Variants in RBM47 observed in about 807,000 individuals in gnomAD.
RBM47 encodes RNA binding motif protein 47, also known as RNA-binding protein 47.
A neutral mutation model predicts 47.1 loss-of-function variants in RBM47; 21 were observed. The ratio of observed to expected loss-of-function variants is 0.45; its 90% CI spans 0.32 to 0.64. RBM47 has a LOEUF of 0.64. Ranked by LOEUF, RBM47 falls within the 30% of genes least tolerant of loss-of-function variation. RBM47 has a pLI of 0.05. For synonymous variants in RBM47, 375 were observed against 361.7 expected (o/e 1.04, Z -0.42); for missense variants, 708 against 870.9 (o/e 0.81, Z 2.35).
chr4:40,598,174 G>A (rs1734922301), intron 1 of RBM47, among the ~76,000 whole-genome samples: 1 of 152,178 alleles, frequency 6.6e-6, no homozygotes. Flanking sequence ...ACTGAATTTT[G>A]CCGCAATGTC....
chr4:40,438,989 C>T, intron 3 of RBM47, 65 bp from the exon 4 acceptor site: 3 of 1,372,454 alleles, frequency 2.2e-6, no homozygotes, highest in South Asian at 1.5e-5. Context: ...GGTTGTGTTT[C>T]GCAGCCTTGC....
In RBM47 at chr4:40,432,807, A is replaced by G. The variant is rs1281732986; in HGVS notation, c.1386T>C (p.Pro462=). ...GGATTTTGCCATCTTCAATCATTTT[A>G]GGGGCTGGAGCTGCTGGAAACATGG... ...QYSMFPAAPA[P]KMIEDGKIHT... is the part of the protein sequence containing the mutation. Residue 462 remains proline (P), a synonymous_variant, in exon 6 of 7, where the codon CCT becomes CCC. Transcript: ENST00000295971. 2.5e-6 allele frequency: 4 copies of G among 1,613,816 alleles called. No homozygotes were observed. The African/African-American group carries it at 4.0e-5, about 16-fold the overall frequency.
chr4:40,607,030 T>A (rs1197584400), intron 1 of RBM47, among the ~76,000 whole-genome samples: 1 of 152,168 alleles, frequency 6.6e-6, no homozygotes, highest in East Asian at 1.9e-4. Flanking sequence ...ATGTGTTTTA[T>A]CTTCCGTAAA....
rs567027115 is a variant in RBM47, at chr4:40,573,514, T to G, written c.-239-29008A>C. Among the ~76,000 whole-genome samples the G allele has an allele frequency of 8.2e-3, 1,233 of 150,794 alleles. 14 individuals carry two copies. The highest frequency in any genetic ancestry group is 0.015 in the Non-Finnish European group (989 of 67,068). On this transcript the variant is annotated intron_variant, in intron 1 of 6. Coordinates refer to ENST00000295971, the MANE Select transcript of RBM47 (RefSeq NM_001098634.2). ...TCCCAGCACTTTGAGAGGCTGAGGC[T>G]GGTGGATCACTTGAGGTCAAGAGTT...
rs1188657209 is a variant in RBM47, at chr4:40,423,658, TTCTTTC to T, written c.*2240_*2245del. On this transcript the variant is annotated 3_prime_UTR_variant, in exon 7 of 7. Transcript: ENST00000295971. ...TTTTTTATTCTTTCTTTCTTTTTCT[TTCTTTC>T]TTTCTTTCTTTCTTTCTTTCTTTCT... is the stretch of plus-strand genomic sequence containing the variant. 5 of 26,568 alleles carry T rather than the reference TTCTTTC, an allele frequency of 1.9e-4. No individual in the cohort carries two copies. Among genetic ancestry groups the T allele is most frequent in the Non-Finnish European group, 2.4e-4 (3 of 12,734 alleles). The allele number at this position is 26,568 out of a possible 1,614,324, so 1.6% of individuals were successfully genotyped here. A position where few individuals can be genotyped will look rare whatever the true frequency, so the allele number is the denominator to read the frequency against.
chr4:40,430,225 CAAACAAAA>C (rs1170626582), intron 6 of RBM47, among the ~76,000 whole-genome samples: 7 of 133,200 alleles, frequency 5.3e-5, no homozygotes, highest in African/African-American at 1.5e-4. Context: ...AACAAACAAA[CAAACAAAA>C]AAAGACAAAA....
chr4:40,613,569 T>C (rs1234330699), intron 1 of RBM47, among the ~76,000 whole-genome samples: 1 of 152,204 alleles, frequency 6.6e-6, no homozygotes, highest in African/African-American at 2.4e-5. Context: ...TCTCCCCTCA[T>C]ACCTTCTTAG....
intron 2 of RBM47, among the ~76,000 whole-genome samples, chr4:40,492,259 A>G (rs1721989187): frequency 6.6e-6 from 1 of 152,126 alleles, no homozygotes; most frequent in Non-Finnish European, 1.5e-5. Context: ...AGTCCCAGCT[A>G]CTTCGGAGGC....
chr4:40,452,630 G>A (rs1305326202), intron 3 of RBM47, among the ~76,000 whole-genome samples: 2 of 151,896 alleles, frequency 1.3e-5, no homozygotes, highest in African/African-American at 4.8e-5. Context: ...GCGTCCGCCA[G>A]GTCAAATCTA....
At chr4:40,439,432 T>C (rs1713285419) in intron 3 of RBM47, among the ~76,000 whole-genome samples, 1 of 152,192 alleles carries the variant, frequency 6.6e-6, no homozygotes, top group African/African-American at 2.4e-5. Flanking sequence ...GGAGCTGTCA[T>C]TGTATAGAGA....
intron 1 of RBM47, among the ~76,000 whole-genome samples, chr4:40,554,559 C>G (rs941807887): frequency 9.2e-5 from 14 of 152,092 alleles, no homozygotes; most frequent in Non-Finnish European, 1.5e-5. Context: ...TATATATGCT[C>G]TCATTGAATT....
chr4:40,607,825 C>G (rs1735897258), intron 1 of RBM47, among the ~76,000 whole-genome samples: 1 of 152,146 alleles, frequency 6.6e-6, no homozygotes. Flanking sequence ...GAATTTTCAG[C>G]CAGGCGCGGT....
intron 1 of RBM47, among the ~76,000 whole-genome samples, chr4:40,585,860 T>C (rs545157765): frequency 1.6e-4 from 24 of 152,206 alleles, no homozygotes; most frequent in Non-Finnish European, 3.2e-4. Context: ...TCTAGACCTA[T>C]GTGTTGAATG....
At chr4:40,623,829 A>G (rs1284223978) in intron 1 of RBM47, among the ~76,000 whole-genome samples, 2 of 147,074 alleles carry the variant, frequency 1.4e-5, no homozygotes, top group Non-Finnish European at 3.0e-5. Context: ...TAGCAGACAA[A>G]GAGGTATAAA....
chr4:40,432,820 G>A lies in RBM47; in HGVS notation c.1373C>T (p.Ala458Val). The change falls in exon 6 of 7, where the codon GCA becomes GTA. Residue 458 changes from alanine to valine, a missense_variant. Physicochemically the swap from Ala to Val is moderately conservative, Grantham distance 64. Transcript: ENST00000295971. ...TTCAATCATTTTAGGGGCTGGAGCT[G>A]CTGGAAACATGGAATACTGAGCCCC... ...AIGAQYSMFP[A>V]APAPKMIEDG... 1 of 1,613,748 alleles carries A rather than the reference G, an allele frequency of 6.2e-7. No homozygotes were observed.
At chr4:40,629,038 G>A (rs1300131793) in intron 1 of RBM47, among the ~76,000 whole-genome samples, 1 of 152,022 alleles carries the variant, frequency 6.6e-6, no homozygotes, top group Non-Finnish European at 1.5e-5. Context: ...CGCTTCCTCA[G>A]TCTCACTGTA....
At position 40,589,405 on chromosome 4, in the gene RBM47, T is replaced by A. The variant is rs545649610; in HGVS notation, c.-240+39991A>T. 6.6e-5 allele frequency among the ~76,000 whole-genome samples: 10 copies of A among 152,248 alleles called. No individual in the cohort carries two copies. In the South Asian group the frequency reaches 2.1e-3, roughly 32 times the overall value. The stretch of plus-strand genomic sequence containing the variant: ...CCATTGAACTGTACAATGTAGTTTT[T>A]ATTTATTTATTTATTTACTTATTTT... On this transcript the variant is annotated intron_variant, in intron 1 of 6. Transcript: ENST00000295971.
chr4:40,467,440 C>G (rs1182226050), intron 2 of RBM47, among the ~76,000 whole-genome samples: 4 of 152,064 alleles, frequency 2.6e-5, no homozygotes, highest in Admixed American at 2.0e-4. Flanking sequence ...CAGGTGCCCA[C>G]CACCACGCCT....
chr4:40,436,681 C>T (rs770526340), intron 4 of RBM47, 34 bp from the exon 5 acceptor site: 47 of 1,601,046 alleles, frequency 2.9e-5, no homozygotes, highest in Non-Finnish European at 3.9e-5. Flanking sequence ...GATCAGCAAC[C>T]AACAGTGACG....
Sources: allele counts gnomAD v4.1 joint callset (sites outside exome capture counted in the v4.1 genomes callset), GRCh38; gene constraint gnomAD v4.1.1; transcripts MANE v1.5; gene names NCBI Gene and HGNC (gene_info 2026-07-23, HGNC 2026-07-21).